Variants in PIEZO2 observed in about 807,000 individuals in gnomAD.
The protein encoded by PIEZO2 is piezo-type mechanosensitive ion channel component 2.
In PIEZO2, 172 loss-of-function variants were observed where a neutral mutation model predicts 337.3. The ratio of observed to expected loss-of-function variants is 0.51; its 90% CI spans 0.45 to 0.58. The LOEUF (loss-of-function observed/expected upper bound fraction) is 0.58. Among genes scored for constraint, PIEZO2 ranks in the 20% least tolerant of loss-of-function variants. The probability of loss-of-function intolerance (pLI) is 0.00; values close to 1 mark genes in which losing one functional copy is unlikely to be tolerated. For missense variants in PIEZO2, 3,028 were observed against 3,391.3 expected, an observed-to-expected ratio of 0.89 and a Z score of 2.66; for synonymous variants, 1,251 against 1,228.5, an observed-to-expected ratio of 1.02 and a Z score of -0.38.
Position 10,792,771 on chromosome 18 carries a change from A to G in PIEZO2, c.1759-1447T>C, listed in dbSNP as rs548102590. Among the ~76,000 whole-genome samples, 3 of 152,320 alleles carry G rather than the reference A, an allele frequency of 2.0e-5. No homozygotes were observed. In the South Asian group the frequency reaches 6.2e-4, roughly 32 times the overall value. On this transcript the variant is annotated intron_variant, in intron 13 of 55. Coordinates refer to ENST00000674853, the MANE Select transcript of PIEZO2 (RefSeq NM_001378183.1). ...GTTTTTGTGTGGACAGATGGTTTCA[A>G]TCCTCCTGGGTAAATGAACCTAGGA...
chr18:10,883,816 C>G (rs377409322), intron 4 of PIEZO2, among the ~76,000 whole-genome samples: 1 of 122,832 alleles, frequency 8.1e-6, no homozygotes, highest in Non-Finnish European at 1.6e-5. Flanking sequence ...AGTCCTACTT[C>G]TTTTTTTTTT....
intron 3 of PIEZO2, among the ~76,000 whole-genome samples, chr18:10,916,514 C>T (rs1208310038): frequency 1.3e-5 from 2 of 152,180 alleles, no homozygotes; most frequent in East Asian, 3.9e-4. Context: ...CCCCTCCACA[C>T]CTGCTGGCCC....
chr18:10,796,211 A>T (rs185001698), intron 12 of PIEZO2, among the ~76,000 whole-genome samples: 8,534 of 151,924 alleles, frequency 0.056, 293 homozygotes, highest in Non-Finnish European at 0.066. Flanking sequence ...AAAAATAAAA[A>T]AAAAAAAAAT....
At chr18:10,811,455 G>A (rs1389949601) in intron 7 of PIEZO2, among the ~76,000 whole-genome samples, 1 of 152,162 alleles carries the variant, frequency 6.6e-6, no homozygotes, top group Non-Finnish European at 1.5e-5. Flanking sequence ...AATACACTAA[G>A]AGTAAGTAGG....
Position 10,877,379 on chromosome 18 carries a change from T to TA in PIEZO2, c.330-5965dup, listed in dbSNP as rs2042295051. ...TTTAAGAAATGGTTTTAAGGGCAAATAATGTAATGCCCAGTCCAACTCGTC... is the reference window on the plus strand; with the variant it reads ...TTTAAGAAATGGTTTTAAGGGCAAATAAATGTAATGCCCAGTCCAACTCGTC... On this transcript the variant is annotated intron_variant, in intron 4 of 55. Coordinates refer to ENST00000674853, the MANE Select transcript of PIEZO2 (RefSeq NM_001378183.1). The surrounding 1 kb of genome is among the most constrained non-coding windows in gnomAD (Gnocchi z 5.3). 6.6e-6 allele frequency among the ~76,000 whole-genome samples: 1 copy of TA among 152,230 alleles called. No individual in the cohort carries two copies. Among genetic ancestry groups the TA allele is most frequent in the African/African-American group, 2.4e-5 (1 of 41,452 alleles).
chr18:11,051,335 A>T (rs1019152190), intron 2 of PIEZO2, among the ~76,000 whole-genome samples: 1 of 109,688 alleles, frequency 9.1e-6, no homozygotes, highest in African/African-American at 3.1e-5. Flanking sequence ...GACAGCAACC[A>T]TCACTTAGGA....
intron 14 of PIEZO2, among the ~76,000 whole-genome samples, chr18:10,790,738 C>T (rs2039382073): frequency 6.8e-6 from 1 of 146,960 alleles, no homozygotes; most frequent in South Asian, 2.1e-4. Flanking sequence ...GGGAGACTCG[C>T]TCTGTCGCCC....
intron 1 of PIEZO2, among the ~76,000 whole-genome samples, chr18:11,136,659 GA>G (rs2040497003): frequency 1.3e-5 from 2 of 152,332 alleles, no homozygotes; most frequent in Middle Eastern, 3.4e-3. Flanking sequence ...AGAGGAAGGA[GA>G]GGGGGTTGAA....
rs1052547519 is a variant in PIEZO2, at chr18:10,853,913, T to G, written c.917+1440A>C. On this transcript the variant is annotated intron_variant, in intron 7 of 55. Transcript: ENST00000674853. This position sits in a 1 kb window ranked among gnomAD's most constrained non-coding sequence, Gnocchi z 4.2. The stretch of plus-strand genomic sequence containing the variant: ...TCCAATATCCAGTGAACATTGAAAT[T>G]TCTCCAATTTAACCCCAAAAAAGTT... Among the ~76,000 whole-genome samples, 2 of 152,192 alleles carry G rather than the reference T, an allele frequency of 1.3e-5. No individual in the cohort carries two copies. Among genetic ancestry groups the G allele is most frequent in the Non-Finnish European group, 2.9e-5 (2 of 68,032 alleles).
At chr18:10,865,324 G>A (rs2041977365) in intron 5 of PIEZO2, among the ~76,000 whole-genome samples, 1 of 152,234 alleles carries the variant, frequency 6.6e-6, no homozygotes, top group Non-Finnish European at 1.5e-5. Context: ...GATGCTGTGT[G>A]CAGCATCAAT....
rs1362239287 is a variant in PIEZO2 at position 10,824,587 on chromosome 18, A to C, written c.918-17313T>G. Among the ~76,000 whole-genome samples the C allele has an allele frequency of 6.6e-6, 1 of 152,184 alleles. No homozygotes were observed. Among genetic ancestry groups the C allele is most frequent in the African/African-American group, 2.4e-5 (1 of 41,458 alleles). ...GGAATACTATGCATCCATTTAAAATAATAAAAAAATCCATCTATCTATATA... is the reference window on the plus strand; with the variant it reads ...GGAATACTATGCATCCATTTAAAATCATAAAAAAATCCATCTATCTATATA... On this transcript the variant is annotated intron_variant, in intron 7 of 55. Coordinates refer to ENST00000674853, the MANE Select transcript of PIEZO2 (RefSeq NM_001378183.1). The surrounding 1 kb of genome is among the most constrained non-coding windows in gnomAD (Gnocchi z 4.4).
intron 1 of PIEZO2, among the ~76,000 whole-genome samples, chr18:11,147,666 G>C (rs1024007461): frequency 1.3e-5 from 2 of 152,222 alleles, no homozygotes; most frequent in African/African-American, 4.8e-5. Flanking sequence ...GCATTCTTAC[G>C]AGAGGAATTC....
At position 11,094,132 on chromosome 18, in the gene PIEZO2, C is replaced by G. The variant is rs1226532332; in HGVS notation, c.65-27910G>C. 6.6e-6 allele frequency among the ~76,000 whole-genome samples: 1 copy of G among 152,078 alleles called. No homozygotes were observed. Among genetic ancestry groups the G allele is most frequent in the Non-Finnish European group, 1.5e-5 (1 of 68,016 alleles). On this transcript the variant is annotated intron_variant, in intron 1 of 55. Coordinates refer to ENST00000674853, the MANE Select transcript of PIEZO2 (RefSeq NM_001378183.1). The surrounding 1 kb of genome is among the most constrained non-coding windows in gnomAD (Gnocchi z 4.4). ...TAGCTGGGATTACAGGTGCTCATCA[C>G]CACGCCCAGCTAATTTTTCTATTTT...
intron 4 of PIEZO2, among the ~76,000 whole-genome samples, chr18:10,904,454 C>T (rs1020510279): frequency 6.6e-6 from 1 of 152,286 alleles, no homozygotes; most frequent in South Asian, 2.1e-4. Context: ...AGTCACTCTC[C>T]TTTCTTACGA....
chr18:10,992,400 T>C (rs1280492921), intron 2 of PIEZO2, among the ~76,000 whole-genome samples: 1 of 152,240 alleles, frequency 6.6e-6, no homozygotes, highest in Non-Finnish European at 1.5e-5. Flanking sequence ...CTTGAGTTAA[T>C]TTTTGTACAA....
In PIEZO2 at chr18:11,002,831, T is replaced by C. The variant is rs2035590313; in HGVS notation, c.161-23171A>G. ...TCCAATTTCAAGCACCCCAATAAAA[T>C]GGCTTTTCTCACACATTTTCATGGT... On this transcript the variant is annotated intron_variant, in intron 2 of 55. Coordinates refer to ENST00000674853, the MANE Select transcript of PIEZO2 (RefSeq NM_001378183.1). The surrounding 1 kb of genome is among the most constrained non-coding windows in gnomAD (Gnocchi z 4.3). 1.3e-5 allele frequency among the ~76,000 whole-genome samples: 2 copies of C among 152,158 alleles called. No homozygotes were observed.
In PIEZO2 at chr18:11,116,670, C is replaced by CG. The variant is rs1306906964; in HGVS notation, c.64+31854_64+31855insC. On this transcript the variant is annotated intron_variant, in intron 1 of 55. Coordinates refer to ENST00000674853, the MANE Select transcript of PIEZO2 (RefSeq NM_001378183.1). This position sits in a 1 kb window ranked among gnomAD's most constrained non-coding sequence, Gnocchi z 5.0. Reference sequence around the variant, plus strand: ...GGCGTAGCTTGCAGTGAGCCGAGATCCGCCACCGCACTCCAGCCTGGGCGA... The same window carrying CG: ...GGCGTAGCTTGCAGTGAGCCGAGATCGCGCCACCGCACTCCAGCCTGGGCGA... 6.6e-6 allele frequency among the ~76,000 whole-genome samples: 1 copy of CG among 151,012 alleles called. No individual in the cohort carries two copies. Among genetic ancestry groups the CG allele is most frequent in the Non-Finnish European group, 1.5e-5 (1 of 67,772 alleles).
Position 10,682,841 on chromosome 18 carries a change from TG to T in PIEZO2, c.7498-550del. Among the ~76,000 whole-genome samples, 1 of 152,148 alleles carries T rather than the reference TG, an allele frequency of 6.6e-6. No homozygotes were observed. The highest frequency in any genetic ancestry group is 1.9e-4 in the East Asian group (1 of 5,188). On this transcript the variant is annotated intron_variant, in intron 49 of 55. Transcript: ENST00000674853. This position sits in a 1 kb window ranked among gnomAD's most constrained non-coding sequence, Gnocchi z 5.6. ...GATTAGAAGAGCCCCCTCTGGGCACTGGCTGTAGGGAGTGGGGAGAGGGCAG... is the reference window on the plus strand; with the variant it reads ...GATTAGAAGAGCCCCCTCTGGGCACTGCTGTAGGGAGTGGGGAGAGGGCAG...
chr18:10,998,282 G>A (rs528956298), intron 2 of PIEZO2, among the ~76,000 whole-genome samples: 3 of 151,930 alleles, frequency 2.0e-5, no homozygotes, highest in South Asian at 4.2e-4. Context: ...AAAAAAACAC[G>A]TGGAATTCAT....
Sources: gnomAD v4.1 joint callset for allele counts (sites outside exome capture counted in the v4.1 genomes callset) on GRCh38, gnomAD v4.1.1 for gene constraint, Gnocchi (gnomAD v3.1) non-coding constraint, MANE v1.5 for transcripts, NCBI Gene and HGNC (gene_info 2026-07-23, HGNC 2026-07-21) for gene names.